EYS: variants seen among roughly 807,000 people sequenced by gnomAD.
EYS encodes EGF-like photoreceptor maintenance factor, also known as protein eyes shut homolog.
Under a neutral mutation model 282.1 loss-of-function variants are expected in EYS, and 250 were observed. The ratio of observed to expected loss-of-function variants is 0.89; its 90% confidence interval spans 0.80 to 0.98. EYS has a LOEUF of 0.98. EYS is among the 50% of genes least tolerant of loss of function. The pLI is 0.00. For synonymous variants in EYS, 1,355 were observed against 1,282.9 expected, an observed-to-expected ratio of 1.06 and a Z score of -1.20; for missense variants, 4,016 against 3,709.0, an observed-to-expected ratio of 1.08 and a Z score of -2.15.
intron 37 of EYS, among the ~76,000 whole-genome samples, chr6:63,800,301 C>T (rs1308779606): frequency 6.6e-6 from 1 of 152,090 alleles, no homozygotes; most frequent in Non-Finnish European, 1.5e-5. Context: ...CTGTGTTTTG[C>T]TTTTCTAAAT....
intron 30 of EYS, among the ~76,000 whole-genome samples, chr6:64,291,968 C>A (rs1245461726): frequency 6.6e-6 from 1 of 152,080 alleles, no homozygotes; most frequent in Non-Finnish European, 1.5e-5. Flanking sequence ...GGCTTATACA[C>A]AATATCATTT....
chr6:64,246,323 A>T (rs9353658), intron 30 of EYS, among the ~76,000 whole-genome samples: 48,104 of 151,536 alleles, frequency 0.32, 7,616 homozygotes, highest in East Asian at 0.51. Context: ...ATAGCTGGAT[A>T]TTTTTTTAGT....
At chr6:63,998,072 A>G (rs1210859534) in intron 34 of EYS, among the ~76,000 whole-genome samples, 2 of 152,130 alleles carry the variant, frequency 1.3e-5, no homozygotes, top group Admixed American at 6.6e-5. Flanking sequence ...AACAATTTTG[A>G]GTTGGCTGCA....
chr6:64,772,563 T>C (rs1010082063), intron 22 of EYS, among the ~76,000 whole-genome samples: 1 of 151,774 alleles, frequency 6.6e-6, no homozygotes, highest in African/African-American at 2.4e-5. Flanking sequence ...TACTGTTGAC[T>C]GTAGCCATGC....
At chr6:64,069,913 T>C (rs933306390) in intron 32 of EYS, among the ~76,000 whole-genome samples, 1 of 152,242 alleles carries the variant, frequency 6.6e-6, no homozygotes, top group East Asian at 1.9e-4. Flanking sequence ...AGTAATTATA[T>C]TTTTTTCAAA....
intron 12 of EYS, among the ~76,000 whole-genome samples, chr6:65,163,594 A>C (rs1764901929): frequency 6.6e-6 from 1 of 151,292 alleles, no homozygotes; most frequent in African/African-American, 2.4e-5. Context: ...TTGACAAAGA[A>C]GGATTGCCAA....
intron 33 of EYS, among the ~76,000 whole-genome samples, chr6:64,018,395 T>C (rs1331942950): frequency 6.6e-6 from 1 of 152,214 alleles, no homozygotes; most frequent in Non-Finnish European, 1.5e-5. Flanking sequence ...ATGTTTCTTC[T>C]TGCTTTCTCA....
chr6:65,286,509 G>T (rs2150279546), intron 12 of EYS, among the ~76,000 whole-genome samples: 1 of 151,810 alleles, frequency 6.6e-6, no homozygotes, highest in Non-Finnish European at 1.5e-5. Flanking sequence ...ATCAGGACCT[G>T]TAACCCACAG....
At chr6:64,588,196 G>A (rs557869611) in intron 26 of EYS, among the ~76,000 whole-genome samples, 3 of 152,026 alleles carry the variant, frequency 2.0e-5, no homozygotes, top group Non-Finnish European at 4.4e-5. Context: ...AATTAACTAG[G>A]ATTGCCTAGA....
At chr6:64,589,267 G>A (rs1766325185) in intron 26 of EYS, among the ~76,000 whole-genome samples, 1 of 151,858 alleles carries the variant, frequency 6.6e-6, no homozygotes, top group Non-Finnish European at 1.5e-5. Context: ...AGAATGACTT[G>A]TTCTTTCATG....
intron 31 of EYS, among the ~76,000 whole-genome samples, chr6:64,171,888 A>G (rs932111297): frequency 6.6e-6 from 1 of 152,154 alleles, no homozygotes; most frequent in Non-Finnish European, 1.5e-5. Context: ...CAGCGTTCAC[A>G]TCAAGGAGTC....
chr6:65,411,762 T>C (rs544514152), intron 5 of EYS, among the ~76,000 whole-genome samples: 12 of 152,092 alleles, frequency 7.9e-5, no homozygotes, highest in Admixed American at 2.0e-4. Flanking sequence ...TTTTTGTCCC[T>C]CTTGTTATAA....
At chr6:65,460,017 G>C (rs1360833782) in intron 5 of EYS, among the ~76,000 whole-genome samples, 1 of 91,518 alleles carries the variant, frequency 1.1e-5, no homozygotes, top group African/African-American at 3.6e-5. Flanking sequence ...TAATTTTATT[G>C]TATGTATTAA....
At chr6:64,504,870 T>G (rs16895366) in intron 26 of EYS, among the ~76,000 whole-genome samples, 1,698 of 152,134 alleles carry the variant, frequency 0.011, 32 homozygotes, top group East Asian at 0.082. Context: ...GTAAAAAACT[T>G]GGGATGCTAA....
chr6:64,913,370 G>T (rs924858285), intron 15 of EYS, among the ~76,000 whole-genome samples: 1 of 152,040 alleles, frequency 6.6e-6, no homozygotes, highest in Non-Finnish European at 1.5e-5. Context: ...AGTGAACACA[G>T]AACCCAATAA....
intron 15 of EYS, among the ~76,000 whole-genome samples, chr6:64,927,136 C>T (rs1329800372): frequency 3.9e-5 from 6 of 152,074 alleles, no homozygotes; most frequent in Non-Finnish European, 8.8e-5. Context: ...CAAAATGTAA[C>T]ATGCTAACTT....
chr6:65,141,919 A>C (rs957371466), intron 12 of EYS, among the ~76,000 whole-genome samples: 2 of 152,032 alleles, frequency 1.3e-5, no homozygotes, highest in African/African-American at 4.8e-5. Context: ...TACTCTAAAA[A>C]AATTTTTGAG....
chr6:64,450,879 G>C (rs1775307660), intron 26 of EYS, among the ~76,000 whole-genome samples: 1 of 152,172 alleles, frequency 6.6e-6, no homozygotes, highest in Admixed American at 6.5e-5. Flanking sequence ...GAAATTTATA[G>C]CACTAAACGC....
intron 2 of EYS, among the ~76,000 whole-genome samples, chr6:65,605,312 C>T (rs1221669972): frequency 6.8e-6 from 1 of 146,108 alleles, no homozygotes; most frequent in Non-Finnish European, 1.5e-5. Context: ...GAAAATAATG[C>T]ATAACTTCAT....
Sources: allele counts gnomAD v4.1 joint callset (sites outside exome capture counted in the v4.1 genomes callset), GRCh38; gene constraint gnomAD v4.1.1; transcripts MANE v1.5; gene names NCBI Gene and HGNC (gene_info 2026-07-23, HGNC 2026-07-21).